NKD2: variants seen among roughly 807,000 people sequenced by gnomAD.
The protein encoded by NKD2 is protein naked cuticle homolog 2.
In NKD2, 43 loss-of-function variants were observed where a neutral mutation model predicts 34.8. The ratio of observed to expected loss-of-function variants is 1.24; its 90% confidence interval spans 0.97 to 1.60. The LOEUF (loss-of-function observed/expected upper bound fraction) is 1.60. Ranked by LOEUF, NKD2 falls within the 40% of genes most tolerant of loss-of-function variation. The pLI is 0.00. For missense variants in NKD2, 675 were observed against 627.1 expected (o/e 1.08, Z -0.82); for synonymous variants, 278 against 265.1 (o/e 1.05, Z -0.47).
chr5:1,016,882 C>T (rs1755977172), intron 3 of NKD2, among the ~76,000 whole-genome samples: 1 of 152,044 alleles, frequency 6.6e-6, no homozygotes, highest in South Asian at 2.1e-4. Flanking sequence ...GATAACAGAG[C>T]CGACCCCATC....
At chr5:1,022,089 C>T (rs889647631) in intron 3 of NKD2, among the ~76,000 whole-genome samples, 3 of 151,836 alleles carry the variant, frequency 2.0e-5, no homozygotes, top group Admixed American at 1.3e-4. Flanking sequence ...TCCTTCAGCC[C>T]CAGAGCCTGC....
intron 3 of NKD2, among the ~76,000 whole-genome samples, chr5:1,012,998 G>C (rs1755812519): frequency 6.6e-6 from 1 of 152,228 alleles, no homozygotes; most frequent in African/African-American, 2.4e-5. Flanking sequence ...ATTTGCAGGA[G>C]AGACTCGGGC....
At position 1,033,403 on chromosome 5, in the gene NKD2, C is replaced by T. The variant is rs377509658; in HGVS notation, c.234C>T (p.Arg78=). 5.8e-5 allele frequency: 92 copies of T among 1,598,458 alleles called. No homozygotes were observed. Among genetic ancestry groups the T allele is most frequent in the South Asian group, 5.1e-4 (45 of 88,366 alleles). ...VALPAEKAEG[R]EHPGQLLSAD... is the part of the protein sequence containing the mutation. ...TCCCCGCTGAGAAAGCTGAGGGCCG[C>T]GAGCACCCGGGACAACTCCTCAGCG... The change falls in exon 5 of 10, where the codon CGC becomes CGT. Residue 78 remains arginine (R), a synonymous_variant. Coordinates refer to ENST00000296849, the MANE Select transcript of NKD2 (RefSeq NM_033120.4).
Position 1,033,403 on chromosome 5 carries a change from C to A in NKD2, c.234C>A (p.Arg78=), listed in dbSNP as rs377509658. The A allele has an allele frequency of 8.8e-6, 14 of 1,598,578 alleles. No individual in the cohort carries two copies. Among genetic ancestry groups the A allele is most frequent in the South Asian group, 6.8e-5 (6 of 88,364 alleles). ...TCCCCGCTGAGAAAGCTGAGGGCCGCGAGCACCCGGGACAACTCCTCAGCG... is the reference window on the plus strand; with the variant it reads ...TCCCCGCTGAGAAAGCTGAGGGCCGAGAGCACCCGGGACAACTCCTCAGCG... ...VALPAEKAEG[R]EHPGQLLSAD... The change falls in exon 5 of 10, where the codon CGC becomes CGA. Residue 78 remains arginine, a synonymous_variant. Transcript: ENST00000296849.
rs372788587 is a variant in NKD2 at position 1,014,094 on chromosome 5, C to T, written c.141+4534C>T. On this transcript the variant is annotated intron_variant, in intron 3 of 9. Transcript: ENST00000296849. Reference sequence around the variant, plus strand: ...AATGAGCTGAAGTTTTAGATTTCTGCAGGTGAAAGAAGACAGGTGGCTGCA... The same window carrying T: ...AATGAGCTGAAGTTTTAGATTTCTGTAGGTGAAAGAAGACAGGTGGCTGCA... Among the ~76,000 whole-genome samples the T allele has an allele frequency of 5.9e-5, 9 of 152,250 alleles. No homozygotes were observed. The East Asian group carries it at 7.7e-4, about 13-fold the overall frequency.
chr5:1,038,272 G>T lies in NKD2; in HGVS notation c.1255G>T (p.Ala419Ser). ...GGTGCGGGACCTGCCGCCCACGCCA[G>T]CAGGAGAGGGCTACGCGGTGCCAGT... ...EVVRDLPPTP[A>S]GEGYAVPVIQ... Residue 419 changes from alanine to serine, a missense_variant, in exon 10 of 10, where the codon GCA becomes TCA. Coordinates refer to ENST00000296849, the MANE Select transcript of NKD2 (RefSeq NM_033120.4). The surrounding 1 kb of genome is among the most constrained non-coding windows in gnomAD (Gnocchi z 4.5). The T allele has an allele frequency of 6.4e-7, 1 of 1,571,760 alleles. No homozygotes were observed.
intron 9 of NKD2, among the ~76,000 whole-genome samples, chr5:1,037,334 T>G (rs1734033910): frequency 6.6e-6 from 1 of 152,168 alleles, no homozygotes; most frequent in South Asian, 2.1e-4. Flanking sequence ...CGCTGTGTGC[T>G]GACCCTGCCC....
intron 3 of NKD2, among the ~76,000 whole-genome samples, chr5:1,013,020 C>T (rs962037399): frequency 7.9e-5 from 12 of 152,222 alleles, no homozygotes; most frequent in Admixed American, 5.2e-4. Flanking sequence ...AGTGCACGTG[C>T]GCCCAGAGAC....
rs1017598507 is a variant in NKD2 at position 1,009,280 on chromosome 5, A to G, written c.61+66A>G. The G allele has an allele frequency of 2.9e-4, 140 of 485,246 alleles. 1 individual carries two copies. Among genetic ancestry groups the G allele is most frequent in the Admixed American group, 1.0e-3 (23 of 22,608 alleles). The allele number at this position is 485,246 out of a possible 1,614,324, so 30.1% of individuals were successfully genotyped here. A position where few individuals can be genotyped will look rare whatever the true frequency, so the allele number is the denominator to read the frequency against. On this transcript the variant is annotated intron_variant, in intron 2 of 9. Transcript: ENST00000296849. This position sits in a 1 kb window ranked among gnomAD's most constrained non-coding sequence, Gnocchi z 6.9. ...CCGGCCCGGGACCCTCAGAGCTAGGAGCCCGCGCGCGTCCTGCCCTGGAGC... is the reference window on the plus strand; with the variant it reads ...CCGGCCCGGGACCCTCAGAGCTAGGGGCCCGCGCGCGTCCTGCCCTGGAGC...
intron 5 of NKD2, 47 bp downstream of exon 5, chr5:1,033,546 GGGGGCTCA>G: frequency 2.0e-6 from 3 of 1,510,640 alleles, no homozygotes; most frequent in Non-Finnish European, 2.7e-6. Flanking sequence ...CCCTGGGGCC[GGGGGCTCA>G]GGGACAGGCA....
chr5:1,033,331 G>A (rs768508414), intron 4 of NKD2, 41 bp from the exon 5 acceptor site: 2 of 1,555,670 alleles, frequency 1.3e-6, no homozygotes, highest in South Asian at 2.4e-5. Flanking sequence ...CATCCTCCAT[G>A]TGCCCTCTGC....
At position 1,038,887 on chromosome 5, in the gene NKD2, G is replaced by A. The variant is rs1028078545; in HGVS notation, c.*514G>A. On this transcript the variant is annotated 3_prime_UTR_variant, in exon 10 of 10. Transcript: ENST00000296849. This position sits in a 1 kb window ranked among gnomAD's most constrained non-coding sequence, Gnocchi z 4.5. ...AGCTTGTGCTTAGCAGGGAGCATCC[G>A]CGGCTCCCCGCAGGAGGCCAAGCAG... The A allele has an allele frequency of 9.5e-5, 24 of 251,354 alleles. No individual in the cohort carries two copies. Among genetic ancestry groups the A allele is most frequent in the Middle Eastern group, 1.3e-3 (1 of 742 alleles). 15.6% of individuals were successfully genotyped at this position (251,354 alleles called of 1,614,324 possible). A position where few individuals can be genotyped will look rare whatever the true frequency, so the allele number is the denominator to read the frequency against.
At position 1,038,548 on chromosome 5, in the gene NKD2, C is replaced by T. The variant is rs1734144622; in HGVS notation, c.*175C>T. 1 of 1,361,136 alleles carries T rather than the reference C, an allele frequency of 7.3e-7. No individual in the cohort carries two copies. The highest frequency in any genetic ancestry group is 1.4e-5 in the African/African-American group (1 of 69,268). 84.3% of individuals were successfully genotyped at this position (1,361,136 alleles called of 1,614,324 possible). A position where few individuals can be genotyped will look rare whatever the true frequency, so the allele number is the denominator to read the frequency against. ...CATGATGGAGGTGGTGCACCTTGGACACGTGGACAAGGCCCAGGCGCCCTC... is the reference window on the plus strand; with the variant it reads ...CATGATGGAGGTGGTGCACCTTGGATACGTGGACAAGGCCCAGGCGCCCTC... On this transcript the variant is annotated 3_prime_UTR_variant, in exon 10 of 10. Transcript: ENST00000296849. This position sits in a 1 kb window ranked among gnomAD's most constrained non-coding sequence, Gnocchi z 4.5.
At chr5:1,036,075 G>C in intron 8 of NKD2, 182 bp from the exon 9 acceptor site, 1 of 1,318,552 alleles carries the variant, frequency 7.6e-7, no homozygotes, top group Non-Finnish European at 9.7e-7. Flanking sequence ...CTGTGACCTT[G>C]TTTCTCTGGA....
At chr5:1,034,727 C>T in intron 6 of NKD2, 29 bp from the exon 7 acceptor site, 2 of 1,600,708 alleles carry the variant, frequency 1.2e-6, no homozygotes, top group Non-Finnish European at 1.7e-6. Context: ...GGGGTCTGCT[C>T]TGTCAGTGAA....
chr5:1,034,468 T>A, intron 6 of NKD2, 138 bp downstream of exon 6: 1 of 766,738 alleles, frequency 1.3e-6, no homozygotes, highest in Admixed American at 2.5e-5. Flanking sequence ...GGCTTGCGTC[T>A]CCCCAGGGCC....
intron 4 of NKD2, among the ~76,000 whole-genome samples, chr5:1,032,635 G>A (rs975029074): frequency 3.3e-5 from 5 of 152,240 alleles, no homozygotes; most frequent in African/African-American, 7.2e-5. Context: ...TGTGGCGCGT[G>A]GCAGGTCAGC....
rs1406806618 is a variant in NKD2, at chr5:1,018,161, G to A, written c.141+8601G>A. 2.6e-5 allele frequency among the ~76,000 whole-genome samples: 4 copies of A among 152,170 alleles called. No homozygotes were observed. The East Asian group carries it at 7.7e-4, about 29-fold the overall frequency. On this transcript the variant is annotated intron_variant, in intron 3 of 9. Coordinates refer to ENST00000296849, the MANE Select transcript of NKD2 (RefSeq NM_033120.4). ...TGGCGGCCCCCACCCATCTCCCTCTGCCAGAAGGAGCCACGGGCACAGCCT... is the reference window on the plus strand; with the variant it reads ...TGGCGGCCCCCACCCATCTCCCTCTACCAGAAGGAGCCACGGGCACAGCCT...
intron 3 of NKD2, among the ~76,000 whole-genome samples, chr5:1,026,120 T>C (rs374736589): frequency 1.7e-4 from 12 of 71,308 alleles, no homozygotes; most frequent in East Asian, 5.3e-4. Context: ...CCTCTGTGGG[T>C]GCCCCAGCCC....
Sources: allele counts gnomAD v4.1 joint callset (sites outside exome capture counted in the v4.1 genomes callset), GRCh38; gene constraint gnomAD v4.1.1; non-coding constraint Gnocchi (gnomAD v3.1); transcripts MANE v1.5; gene names NCBI Gene and HGNC (gene_info 2026-07-23, HGNC 2026-07-21).